Variants in CEP170 observed in about 807,000 individuals in gnomAD.
CEP170 encodes centrosomal protein of 170 kDa.
In CEP170, 21 loss-of-function variants were observed where a neutral mutation model predicts 151.9. That is an observed-to-expected ratio of 0.14 (90% CI 0.10 to 0.20). The LOEUF is 0.20. Among genes scored for constraint, CEP170 ranks in the 10% least tolerant of loss-of-function variants. The pLI, the probability that CEP170 is intolerant of heterozygous loss-of-function variation, is 1.00. For missense variants in CEP170, 964 were observed against 1,892.9 expected (o/e 0.51, Z 9.11); for synonymous variants, 356 against 648.8 (o/e 0.55, Z 6.86).
intron 4 of CEP170, among the ~76,000 whole-genome samples, chr1:243,204,863 A>G (rs2061309180): frequency 6.6e-6 from 1 of 152,104 alleles, no homozygotes; most frequent in Admixed American, 6.6e-5. Flanking sequence ...CAACTTCTCA[A>G]TCTTCTGGAT....
intron 1 of CEP170, among the ~76,000 whole-genome samples, chr1:243,245,979 A>G (rs988146402): frequency 3.9e-5 from 6 of 151,974 alleles, no homozygotes; most frequent in Non-Finnish European, 7.4e-5. Context: ...CAAATTTTAA[A>G]AAAGATACGT....
intron 11 of CEP170, among the ~76,000 whole-genome samples, chr1:243,171,890 T>C (rs2058870541): frequency 6.6e-6 from 1 of 152,224 alleles, no homozygotes. Flanking sequence ...GTCAGATCTT[T>C]CTAGCTCTAC....
chr1:243,190,362 T>C (rs2060232363), intron 8 of CEP170, among the ~76,000 whole-genome samples: 1 of 152,174 alleles, frequency 6.6e-6, no homozygotes, highest in Admixed American at 6.5e-5. Flanking sequence ...TGTACAAACA[T>C]ACAAATTGTA....
intron 1 of CEP170, among the ~76,000 whole-genome samples, chr1:243,249,294 T>G (rs189395540): frequency 2.6e-5 from 4 of 152,134 alleles, no homozygotes; most frequent in Admixed American, 2.6e-4. Flanking sequence ...GGCGCACACT[T>G]GTAGTCCCAG....
chr1:243,146,476 G>A (rs2056499638), intron 14 of CEP170, among the ~76,000 whole-genome samples: 3 of 152,120 alleles, frequency 2.0e-5, no homozygotes. Flanking sequence ...TTCAAAGGCA[G>A]GTATAAAGTA....
intron 17 of CEP170, among the ~76,000 whole-genome samples, chr1:243,134,955 C>T (rs6429411): frequency 0.051 from 7,790 of 152,100 alleles, 436 homozygotes; most frequent in African/African-American, 0.14. Flanking sequence ...TTTGTATAGA[C>T]GGTTGAGAAA....
chr1:243,152,464 A>T (rs1266383185), intron 14 of CEP170, among the ~76,000 whole-genome samples: 1 of 124,356 alleles, frequency 8.0e-6, no homozygotes, highest in African/African-American at 3.1e-5. Context: ...CTCGTGATCC[A>T]CCCGCCTCAA....
At chr1:243,186,469 G>C (rs2059943624) in intron 8 of CEP170, 47 bp from the exon 9 acceptor site, 1 of 1,535,718 alleles carries the variant, frequency 6.5e-7, no homozygotes, top group African/African-American at 1.4e-5. Context: ...AAAGTCCCAT[G>C]TAGAAATTTA....
At chr1:243,144,377 A>C (rs1364075914) in intron 14 of CEP170, among the ~76,000 whole-genome samples, 1 of 152,198 alleles carries the variant, frequency 6.6e-6, no homozygotes, top group African/African-American at 2.4e-5. Context: ...AGATCTTTTC[A>C]CTATGTCATG....
chr1:243,251,621 TTG>T (rs769203495), intron 1 of CEP170, among the ~76,000 whole-genome samples: 2 of 152,160 alleles, frequency 1.3e-5, no homozygotes, highest in Non-Finnish European at 2.9e-5. Flanking sequence ...TCAATAAATA[TTG>T]TGTTTCAAAG....
intron 14 of CEP170, among the ~76,000 whole-genome samples, chr1:243,147,817 A>C (rs1572240085): frequency 6.6e-6 from 1 of 152,328 alleles, no homozygotes; most frequent in East Asian, 1.9e-4. Context: ...TTGACTTAAA[A>C]ATTTTCAATT....
At chr1:243,223,691 G>A (rs72757680) in intron 2 of CEP170, among the ~76,000 whole-genome samples, 8,691 of 152,238 alleles carry the variant, frequency 0.057, 375 homozygotes, top group Non-Finnish European at 0.089. Context: ...TAGGGAGTGA[G>A]GAGTGGGCCT....
Position 243,193,155 on chromosome 1 carries a change from TGTGA to T in CEP170, c.632-1665_632-1662del, listed in dbSNP as rs375842763. Among the ~76,000 whole-genome samples, 394 of 152,262 alleles carry T rather than the reference TGTGA, an allele frequency of 2.6e-3. 1 individual carries two copies. In the East Asian group the frequency reaches 0.029, roughly 11 times the overall value. On this transcript the variant is annotated intron_variant, in intron 7 of 19. Coordinates refer to ENST00000366542, the MANE Select transcript of CEP170 (RefSeq NM_014812.3). The stretch of plus-strand genomic sequence containing the variant: ...TAAAAATAAAATGTTCAGCTGGACT[TGTGA>T]GTGTTTACTCTGAAGTCATGTTAGT...
rs181291100 is a variant in CEP170, at chr1:243,172,043, T to A, written c.1716+654A>T. 5.9e-5 allele frequency among the ~76,000 whole-genome samples: 9 copies of A among 152,306 alleles called. No individual in the cohort carries two copies. In the East Asian group the frequency reaches 1.7e-3, roughly 29 times the overall value. ...TATCAGGCAGTGCCCTCGTACATGT[T>A]TCCTGGTATGATATACAGGAAACAT... On this transcript the variant is annotated intron_variant, in intron 11 of 19. Transcript: ENST00000366542.
At chr1:243,137,645 C>A (rs113742598) in intron 16 of CEP170, among the ~76,000 whole-genome samples, 1 of 151,588 alleles carries the variant, frequency 6.6e-6, no homozygotes, top group African/African-American at 2.4e-5. Flanking sequence ...CGTGCTGGTG[C>A]GTGCCTGTAG....
intron 1 of CEP170, among the ~76,000 whole-genome samples, chr1:243,230,791 C>T (rs4658548): frequency 0.44 from 66,925 of 151,874 alleles, 16,029 homozygotes; most frequent in African/African-American, 0.64. Flanking sequence ...TACTAATATA[C>T]ACATATAGGT....
At chr1:243,236,666 G>C (rs1217124196) in intron 1 of CEP170, among the ~76,000 whole-genome samples, 2 of 152,160 alleles carry the variant, frequency 1.3e-5, no homozygotes, top group Admixed American at 1.3e-4. Context: ...TGAAAGAATA[G>C]TAAACTATCT....
chr1:243,212,793 A>G (rs534313874), intron 3 of CEP170, among the ~76,000 whole-genome samples: 1 of 152,068 alleles, frequency 6.6e-6, no homozygotes, highest in African/African-American at 2.4e-5. Flanking sequence ...CCTCCTGAGT[A>G]GCTGGACTAC....
intron 11 of CEP170, among the ~76,000 whole-genome samples, chr1:243,170,719 G>A (rs1333754884): frequency 1.4e-4 from 21 of 152,144 alleles, no homozygotes; most frequent in African/African-American, 4.1e-4. Flanking sequence ...GCGTGAACCC[G>A]GGAGGCAGAG....
Sources: allele counts gnomAD v4.1 joint callset (sites outside exome capture counted in the v4.1 genomes callset), GRCh38; gene constraint gnomAD v4.1.1; transcripts MANE v1.5; gene names NCBI Gene and HGNC (gene_info 2026-07-23, HGNC 2026-07-21).